The following TSHZ2 variants were observed in gnomAD, a reference collection of about 807,000 sequenced individuals.
The protein encoded by TSHZ2 is teashirt zinc finger homeobox 2, also known as teashirt homolog 2.
A neutral mutation model predicts 74.4 loss-of-function variants in TSHZ2; 21 were observed. The observed-to-expected ratio is 0.28, with a 90% CI of 0.20 to 0.41. The LOEUF (loss-of-function observed/expected upper bound fraction) is 0.41, where lower values mean the gene tolerates loss of function less well. Among genes scored for constraint, TSHZ2 ranks in the 10% least tolerant of loss-of-function variants. The pLI, the probability that TSHZ2 is intolerant of heterozygous loss-of-function variation, is 1.00. For missense variants in TSHZ2, 1,244 were observed against 1,293.5 expected (o/e 0.96, Z 0.59); for synonymous variants, 540 against 515.3 (o/e 1.05, Z -0.65).
In TSHZ2 at chr20:53,018,355, G is replaced by A. The variant is rs550135226; in HGVS notation, c.40+45022G>A. Reference sequence around the variant, plus strand: ...ATACCAAGTTCCCAAACCATTACCCGTTTTCAGGGGCATGAAGTGAGCTCA... The same window carrying A: ...ATACCAAGTTCCCAAACCATTACCCATTTTCAGGGGCATGAAGTGAGCTCA... On this transcript the variant is annotated intron_variant, in intron 1 of 2. Transcript: ENST00000371497. Among the ~76,000 whole-genome samples, 10 of 152,290 alleles carry A rather than the reference G, an allele frequency of 6.6e-5. No individual in the cohort carries two copies. In the East Asian group the frequency reaches 1.7e-3, roughly 26 times the overall value.
chr20:53,380,165 C>T (rs79257926), intron 2 of TSHZ2, among the ~76,000 whole-genome samples: 5 of 123,500 alleles, frequency 4.0e-5, no homozygotes, highest in African/African-American at 1.4e-4. Context: ...TGTGTGTGTG[C>T]ACACGCATGT....
intron 2 of TSHZ2, among the ~76,000 whole-genome samples, chr20:53,391,252 T>C (rs1285894674): frequency 6.6e-6 from 1 of 152,112 alleles, no homozygotes; most frequent in Admixed American, 6.5e-5. Flanking sequence ...GTTCACACCA[T>C]TCTCCTGCCT....
At chr20:53,450,053 A>G (rs1007614797) in intron 2 of TSHZ2, among the ~76,000 whole-genome samples, 9 of 152,370 alleles carry the variant, frequency 5.9e-5, no homozygotes, top group African/African-American at 2.2e-4. Context: ...TGATTGAAGA[A>G]ATACATCAAT....
chr20:53,218,156 T>G (rs1989477511), intron 1 of TSHZ2, among the ~76,000 whole-genome samples: 1 of 152,248 alleles, frequency 6.6e-6, no homozygotes, highest in South Asian at 2.1e-4. Context: ...TATTCTGCAC[T>G]AAATTTGTTT....
intron 2 of TSHZ2, among the ~76,000 whole-genome samples, chr20:53,385,124 A>T (rs958815600): frequency 6.6e-6 from 1 of 152,208 alleles, no homozygotes; most frequent in East Asian, 1.9e-4. Flanking sequence ...CGTCTCAAAA[A>T]ATAAAAATTA....
intron 2 of TSHZ2, among the ~76,000 whole-genome samples, chr20:53,480,657 G>A (rs1323688628): frequency 6.6e-6 from 1 of 152,048 alleles, no homozygotes; most frequent in East Asian, 1.9e-4. Context: ...ATTGCAAGGA[G>A]CCTCACGTTC....
intron 1 of TSHZ2, among the ~76,000 whole-genome samples, chr20:53,180,221 G>A (rs893213489): frequency 1.3e-5 from 2 of 152,142 alleles, no homozygotes; most frequent in African/African-American, 4.8e-5. Context: ...ACTGTATCTC[G>A]ATAAGCACAG....
chr20:53,033,651 C>CTTTTTTTTTTTTTT (rs61445726), intron 1 of TSHZ2, among the ~76,000 whole-genome samples: 1 of 59,020 alleles, frequency 1.7e-5, no homozygotes, highest in East Asian at 6.3e-4. Flanking sequence ...TGATAAAAAG[C>CTTTTTTTTTTTTTT]TTTTTTTTTT....
chr20:53,024,637 C>G (rs1179243496), intron 1 of TSHZ2, among the ~76,000 whole-genome samples: 6 of 152,040 alleles, frequency 3.9e-5, no homozygotes, highest in Non-Finnish European at 7.3e-5. Context: ...CTAATGTTAT[C>G]CCTCTCCTAG....
chr20:53,042,655 C>T lies in TSHZ2; in HGVS notation c.40+69322C>T, dbSNP rs1010880202. ...AGTTACTCAGCCTCAGAACAACTGA[C>T]ATTTATCCATGCTATTAACTACTAC... is the stretch of plus-strand genomic sequence containing the variant. On this transcript the variant is annotated intron_variant, in intron 1 of 2. Coordinates refer to ENST00000371497, the MANE Select transcript of TSHZ2 (RefSeq NM_173485.6). 7.0e-5 allele frequency among the ~76,000 whole-genome samples: 10 copies of T among 142,770 alleles called. No individual in the cohort carries two copies. In the East Asian group the frequency reaches 1.3e-3, roughly 19 times the overall value. The allele number at this position is 142,770 out of a possible 152,430, so 93.7% of individuals were successfully genotyped here. A position where few individuals can be genotyped will look rare whatever the true frequency, so the allele number is the denominator to read the frequency against.
intron 2 of TSHZ2, among the ~76,000 whole-genome samples, chr20:53,391,479 G>GT (rs764256107): frequency 0.021 from 2,976 of 141,138 alleles, 38 homozygotes; most frequent in African/African-American, 0.046. Flanking sequence ...TTTTGTTTTT[G>GT]TTTTTTTTTT....
chr20:53,251,162 G>A (rs575209918), intron 1 of TSHZ2, among the ~76,000 whole-genome samples: 34 of 152,182 alleles, frequency 2.2e-4, no homozygotes, highest in Admixed American at 2.0e-3. Flanking sequence ...CTGTGATTAC[G>A]TTACCCACAG....
intron 2 of TSHZ2, among the ~76,000 whole-genome samples, chr20:53,278,783 A>G (rs1990994839): frequency 6.6e-6 from 1 of 152,230 alleles, no homozygotes; most frequent in South Asian, 2.1e-4. Flanking sequence ...AGGGCCAGAT[A>G]GTAAATATTT....
intron 2 of TSHZ2, among the ~76,000 whole-genome samples, chr20:53,268,260 A>G (rs1452739293): frequency 1.3e-5 from 2 of 152,160 alleles, no homozygotes; most frequent in Non-Finnish European, 2.9e-5. Flanking sequence ...CAAGATACAG[A>G]CCCAGATTGA....
intron 1 of TSHZ2, among the ~76,000 whole-genome samples, chr20:53,111,218 C>T (rs962950803): frequency 3.9e-5 from 6 of 152,176 alleles, no homozygotes; most frequent in Non-Finnish European, 7.3e-5. Flanking sequence ...CTACATGAGG[C>T]TCTCAGACGT....
chr20:53,458,172 G>C (rs2145803338), intron 2 of TSHZ2, among the ~76,000 whole-genome samples: 1 of 149,630 alleles, frequency 6.7e-6, no homozygotes, highest in East Asian at 2.0e-4. Context: ...GAATTCGGCT[G>C]TGAATCCATC....
intron 1 of TSHZ2, among the ~76,000 whole-genome samples, chr20:53,131,153 C>T (rs891428223): frequency 2.4e-4 from 36 of 152,096 alleles, no homozygotes; most frequent in African/African-American, 8.0e-4. Context: ...AACTCCTGAA[C>T]GTTTTGTTAT....
intron 2 of TSHZ2, among the ~76,000 whole-genome samples, chr20:53,277,992 C>G (rs181332505): frequency 1.3e-5 from 2 of 152,198 alleles, no homozygotes; most frequent in Admixed American, 1.3e-4. Flanking sequence ...TACTTACTAC[C>G]CTGTCCCAGT....
chr20:53,320,101 A>G (rs904693465), intron 2 of TSHZ2, among the ~76,000 whole-genome samples: 5 of 152,166 alleles, frequency 3.3e-5, no homozygotes, highest in African/African-American at 1.2e-4. Flanking sequence ...CACTGCCATC[A>G]TCATCATTAT....
Sources: gnomAD v4.1 joint callset for allele counts (sites outside exome capture counted in the v4.1 genomes callset) on GRCh38, gnomAD v4.1.1 for gene constraint, MANE v1.5 for transcripts, NCBI Gene and HGNC (gene_info 2026-07-23, HGNC 2026-07-21) for gene names.